JARID2: variants seen among roughly 807,000 people sequenced by gnomAD.
JARID2 encodes jumonji and AT-rich interaction domain containing 2.
Under a neutral mutation model 125.6 loss-of-function variants are expected in JARID2, and 21 were observed. The ratio of observed to expected loss-of-function variants is 0.17; its 90% CI spans 0.12 to 0.24. JARID2 has a LOEUF of 0.24. Among genes scored for constraint, JARID2 ranks in the 10% least tolerant of loss-of-function variants. The probability of loss-of-function intolerance (pLI) is 1.00; values close to 1 mark genes in which losing one functional copy is unlikely to be tolerated. For missense variants in JARID2, 1,303 were observed against 1,639.6 expected (o/e 0.79, Z 3.55); for synonymous variants, 736 against 661.6 (o/e 1.11, Z -1.73).
intron 1 of JARID2, among the ~76,000 whole-genome samples, chr6:15,324,662 T>G (rs986239932): frequency 7.3e-5 from 11 of 151,080 alleles, no homozygotes; most frequent in Admixed American, 2.6e-4. Flanking sequence ...TTTTTTTTTT[T>G]TTTTGGTAGT....
At chr6:15,291,021 C>G (rs1186965095) in intron 1 of JARID2, among the ~76,000 whole-genome samples, 5 of 152,142 alleles carry the variant, frequency 3.3e-5, no homozygotes, top group Admixed American at 1.3e-4. Context: ...ATCATTTGAA[C>G]TCAGGAGTTT....
chr6:15,434,071 G>A (rs1204238338), intron 3 of JARID2, among the ~76,000 whole-genome samples: 3 of 151,898 alleles, frequency 2.0e-5, no homozygotes, highest in Non-Finnish European at 2.9e-5. Context: ...ATACCCAGTG[G>A]GGGAATCTGC....
At chr6:15,476,094 A>G (rs2127695242) in intron 5 of JARID2, among the ~76,000 whole-genome samples, 1 of 152,296 alleles carries the variant, frequency 6.6e-6, no homozygotes, top group East Asian at 1.9e-4. Context: ...ATCTAGCAAC[A>G]TCTGTATCCT....
intron 1 of JARID2, among the ~76,000 whole-genome samples, chr6:15,324,199 A>G (rs951738093): frequency 7.3e-6 from 1 of 136,304 alleles, no homozygotes; most frequent in African/African-American, 2.9e-5. Context: ...AAAAAACTGG[A>G]AAAAAAAAAA....
chr6:15,394,590 C>G (rs910534272), intron 2 of JARID2, among the ~76,000 whole-genome samples: 2 of 152,086 alleles, frequency 1.3e-5, no homozygotes, highest in African/African-American at 4.8e-5. Context: ...CAGAGCAAGA[C>G]CCTGTCTCAA....
chr6:15,367,855 C>T (rs923114475), intron 1 of JARID2, among the ~76,000 whole-genome samples: 5 of 152,194 alleles, frequency 3.3e-5, no homozygotes, highest in African/African-American at 7.2e-5. Flanking sequence ...TCAAGTCTTT[C>T]CAGTCGACTC....
chr6:15,379,598 T>C (rs949752583), intron 2 of JARID2, among the ~76,000 whole-genome samples: 14 of 152,234 alleles, frequency 9.2e-5, no homozygotes, highest in African/African-American at 3.4e-4. Context: ...CAAAACACTC[T>C]TGATGAGATT....
intron 1 of JARID2, among the ~76,000 whole-genome samples, chr6:15,363,153 G>A (rs16876291): frequency 0.06 from 9,138 of 152,232 alleles, 402 homozygotes; most frequent in East Asian, 0.23. Flanking sequence ...TCCAGTTGCC[G>A]ATAAAAAGTT....
intron 1 of JARID2, among the ~76,000 whole-genome samples, chr6:15,310,643 T>C (rs1190157639): frequency 2.0e-5 from 3 of 152,198 alleles, no homozygotes; most frequent in Non-Finnish European, 4.4e-5. Context: ...TACATAAGCA[T>C]CTGCAGGTGC....
intron 5 of JARID2, among the ~76,000 whole-genome samples, chr6:15,473,919 CG>C (rs1164653510): frequency 1.3e-5 from 2 of 152,088 alleles, no homozygotes; most frequent in Admixed American, 1.3e-4. Context: ...TCAAATGACC[CG>C]GGGGAACATG....
At chr6:15,408,003 C>T (rs1425423945) in intron 2 of JARID2, among the ~76,000 whole-genome samples, 1 of 152,192 alleles carries the variant, frequency 6.6e-6, no homozygotes, top group Non-Finnish European at 1.5e-5. Flanking sequence ...GTAACTCATG[C>T]CTGTAATCCC....
At chr6:15,471,912 A>G (rs1158144139) in intron 5 of JARID2, among the ~76,000 whole-genome samples, 2 of 152,194 alleles carry the variant, frequency 1.3e-5, no homozygotes, top group East Asian at 1.9e-4. Context: ...CTATAGATAC[A>G]TATCTCTGTG....
chr6:15,380,041 G>T (rs1282142612), intron 2 of JARID2, among the ~76,000 whole-genome samples: 4 of 149,540 alleles, frequency 2.7e-5, no homozygotes, highest in African/African-American at 4.9e-5. Flanking sequence ...GTCGGGGGCC[G>T]GGGGTGAGGG....
intron 16 of JARID2, 67 bp downstream of exon 16, chr6:15,513,489 C>T: frequency 1.4e-6 from 2 of 1,454,078 alleles, no homozygotes; most frequent in Non-Finnish European, 1.9e-6. Flanking sequence ...CGGGGTTGCC[C>T]CCAGAAGAGG....
intron 1 of JARID2, among the ~76,000 whole-genome samples, chr6:15,323,947 C>A (rs544232591): frequency 1.3e-5 from 2 of 151,772 alleles, no homozygotes; most frequent in East Asian, 3.9e-4. Context: ...TTTTGGGAGG[C>A]TGAGGCGGGC....
chr6:15,393,714 T>TG, intron 2 of JARID2, among the ~76,000 whole-genome samples: 1 of 152,308 alleles, frequency 6.6e-6, no homozygotes, highest in East Asian at 1.9e-4. Flanking sequence ...CACGAAATTG[T>TG]TAACAGTGAT....
intron 16 of JARID2, among the ~76,000 whole-genome samples, chr6:15,514,635 G>A (rs193034973): frequency 1.0e-3 from 157 of 152,348 alleles, no homozygotes; most frequent in Non-Finnish European, 1.7e-3. Flanking sequence ...CAGATCGTCA[G>A]ATCGTCAGAT....
chr6:15,477,644 G>T (rs767521343), intron 5 of JARID2, among the ~76,000 whole-genome samples: 30 of 151,802 alleles, frequency 2.0e-4, no homozygotes, highest in Admixed American at 3.9e-4. Flanking sequence ...AGAGCATCAT[G>T]ATTACAGCAC....
chr6:15,265,782 G>A (rs1436213752), intron 1 of JARID2, among the ~76,000 whole-genome samples: 1 of 152,118 alleles, frequency 6.6e-6, no homozygotes, highest in African/African-American at 2.4e-5. Context: ...GGGCAAGCAG[G>A]AATCTGGGAC....
Sources: gnomAD v4.1 joint callset for allele counts (sites outside exome capture counted in the v4.1 genomes callset) on GRCh38, gnomAD v4.1.1 for gene constraint, MANE v1.5 for transcripts, NCBI Gene and HGNC (gene_info 2026-07-23, HGNC 2026-07-21) for gene names.